The following ARHGAP24 variants were observed in gnomAD, a reference collection of about 807,000 sequenced individuals.
ARHGAP24 encodes rho GTPase-activating protein 24.
A neutral mutation model predicts 76.4 loss-of-function variants in ARHGAP24; 50 were observed. The observed-to-expected ratio is 0.65, with a 90% CI of 0.52 to 0.83. The LOEUF (loss-of-function observed/expected upper bound fraction) is 0.83, where lower values mean the gene tolerates loss of function less well. Among genes scored for constraint, ARHGAP24 ranks in the 40% least tolerant of loss-of-function variants. The probability of loss-of-function intolerance (pLI) is 0.00; values close to 1 mark genes in which losing one functional copy is unlikely to be tolerated. For missense variants in ARHGAP24, 930 were observed against 914.2 expected (o/e 1.02, Z -0.22); for synonymous variants, 345 against 323.3 (o/e 1.07, Z -0.72).
chr4:85,663,923 G>A (rs1722506508), intron 2 of ARHGAP24, among the ~76,000 whole-genome samples: 2 of 151,844 alleles, frequency 1.3e-5, no homozygotes, highest in Admixed American at 1.3e-4. Flanking sequence ...CAGTTTGCCA[G>A]TATTTTATTG....
At chr4:85,593,641 A>G (rs762593468) in intron 2 of ARHGAP24, among the ~76,000 whole-genome samples, 5 of 152,138 alleles carry the variant, frequency 3.3e-5, no homozygotes, top group Non-Finnish European at 5.9e-5. Context: ...ACGGTGAGAT[A>G]TGGGGGTCCA....
chr4:85,922,968 G>C (rs1225975265), intron 3 of ARHGAP24, among the ~76,000 whole-genome samples: 1 of 152,180 alleles, frequency 6.6e-6, no homozygotes, highest in Non-Finnish European at 1.5e-5. Context: ...GGCACTGCGG[G>C]GGTTTCCTCA....
At chr4:85,886,281 C>T (rs10028820) in intron 3 of ARHGAP24, among the ~76,000 whole-genome samples, 77,402 of 151,914 alleles carry the variant, frequency 0.51, 20,768 homozygotes, top group East Asian at 0.69. Flanking sequence ...AACAACGTTA[C>T]CATGTGAAAT....
chr4:85,619,273 A>G (rs1206136413), intron 2 of ARHGAP24, among the ~76,000 whole-genome samples: 4 of 152,012 alleles, frequency 2.6e-5, no homozygotes, highest in African/African-American at 7.2e-5. Flanking sequence ...CCAATTGACT[A>G]TAAATGCATC....
intron 3 of ARHGAP24, among the ~76,000 whole-genome samples, chr4:85,804,199 C>T (rs920239839): frequency 6.6e-6 from 1 of 152,100 alleles, no homozygotes; most frequent in Admixed American, 6.5e-5. Flanking sequence ...TTTTGTACAA[C>T]TCATTATAAT....
At chr4:85,867,898 C>T (rs1318074507) in intron 3 of ARHGAP24, among the ~76,000 whole-genome samples, 3 of 106,732 alleles carry the variant, frequency 2.8e-5, no homozygotes, top group African/African-American at 5.8e-5. Flanking sequence ...TGTGTGTGTA[C>T]ATATATATAT....
intron 2 of ARHGAP24, among the ~76,000 whole-genome samples, chr4:85,586,220 GA>G: frequency 9.7e-6 from 1 of 103,590 alleles, no homozygotes; most frequent in East Asian, 2.0e-4. Flanking sequence ...TGGAGACTTG[GA>G]TTTGGGATTT....
intron 4 of ARHGAP24, among the ~76,000 whole-genome samples, chr4:85,931,494 A>C (rs1736329906): frequency 6.6e-6 from 1 of 152,142 alleles, no homozygotes; most frequent in African/African-American, 2.4e-5. Flanking sequence ...GTTGAGAAAA[A>C]TTTGATAATC....
intron 7 of ARHGAP24, among the ~76,000 whole-genome samples, chr4:85,976,918 G>A (rs1739370029): frequency 6.6e-6 from 1 of 151,772 alleles, no homozygotes; most frequent in Non-Finnish European, 1.5e-5. Context: ...AAGTAGCTGG[G>A]ATTACAGGGG....
At chr4:85,647,231 A>G (rs1226532493) in intron 2 of ARHGAP24, among the ~76,000 whole-genome samples, 3 of 152,128 alleles carry the variant, frequency 2.0e-5, no homozygotes. Context: ...ACATCGTCAT[A>G]GTTGTAGTCA....
intron 3 of ARHGAP24, among the ~76,000 whole-genome samples, chr4:85,820,533 T>C (rs1578260162): frequency 6.6e-6 from 1 of 152,190 alleles, no homozygotes; most frequent in Non-Finnish European, 1.5e-5. Context: ...TATTGGGTTT[T>C]ATACTTATTA....
intron 2 of ARHGAP24, among the ~76,000 whole-genome samples, chr4:85,701,462 T>G (rs1384488574): frequency 1.3e-5 from 2 of 152,122 alleles, no homozygotes; most frequent in African/African-American, 4.8e-5. Context: ...GTACCCAATA[T>G]CATCTTGTTT....
At chr4:85,784,827 G>T (rs1347763101) in intron 3 of ARHGAP24, among the ~76,000 whole-genome samples, 1 of 151,702 alleles carries the variant, frequency 6.6e-6, no homozygotes, top group Admixed American at 6.6e-5. Context: ...CCTCTTGTTA[G>T]CCTACTGTCC....
chr4:85,780,638 A>G (rs1311676539), intron 3 of ARHGAP24, among the ~76,000 whole-genome samples: 1 of 152,190 alleles, frequency 6.6e-6, no homozygotes, highest in Non-Finnish European at 1.5e-5. Flanking sequence ...GCTGGGAGCA[A>G]GAACACCAGA....
At chr4:85,695,218 T>C (rs1421569119) in intron 2 of ARHGAP24, among the ~76,000 whole-genome samples, 1 of 152,232 alleles carries the variant, frequency 6.6e-6, no homozygotes, top group Non-Finnish European at 1.5e-5. Flanking sequence ...CATTTAGCCA[T>C]CTCTACATAA....
At chr4:85,666,304 G>T (rs535819024) in intron 2 of ARHGAP24, among the ~76,000 whole-genome samples, 6 of 152,132 alleles carry the variant, frequency 3.9e-5, no homozygotes, top group African/African-American at 1.4e-4. Flanking sequence ...CCAGTTGATC[G>T]CATCGGCTCC....
At chr4:85,698,293 G>A in intron 2 of ARHGAP24, among the ~76,000 whole-genome samples, 1 of 152,198 alleles carries the variant, frequency 6.6e-6, no homozygotes, top group East Asian at 1.9e-4. Flanking sequence ...TTCTGTGACT[G>A]TCTGCCTGGG....
chr4:85,901,665 C>T lies in ARHGAP24; in HGVS notation c.269-21983C>T, dbSNP rs369534062. On this transcript the variant is annotated intron_variant, in intron 3 of 9. Coordinates refer to ENST00000395184, the MANE Select transcript of ARHGAP24 (RefSeq NM_001025616.3). The stretch of plus-strand genomic sequence containing the variant: ...TGACATAACTTACCAATTGCTTCAC[C>T]CTCTTTATTGTAATACTTATACTCC... 5.3e-4 allele frequency among the ~76,000 whole-genome samples: 80 copies of T among 152,228 alleles called. No individual in the cohort carries two copies. In the East Asian group the frequency reaches 0.014, roughly 26 times the overall value.
chr4:85,909,019 C>G (rs900387326), intron 3 of ARHGAP24, among the ~76,000 whole-genome samples: 2 of 152,088 alleles, frequency 1.3e-5, no homozygotes, highest in African/African-American at 2.4e-5. Flanking sequence ...CAAATAATTC[C>G]AATTCACTAA....
Sources: gnomAD v4.1 joint callset for allele counts (sites outside exome capture counted in the v4.1 genomes callset) on GRCh38, gnomAD v4.1.1 for gene constraint, MANE v1.5 for transcripts, NCBI Gene and HGNC (gene_info 2026-07-23, HGNC 2026-07-21) for gene names.